KIF7: variants seen among roughly 807,000 people sequenced by gnomAD.
The protein encoded by KIF7 is kinesin-like protein KIF7.
Under a neutral mutation model 135.7 loss-of-function variants are expected in KIF7, and 104 were observed. The ratio of observed to expected loss-of-function variants is 0.77; its 90% confidence interval spans 0.65 to 0.90. The LOEUF (loss-of-function observed/expected upper bound fraction) is 0.90, where lower values mean the gene tolerates loss of function less well. KIF7 is among the 40% of genes least tolerant of loss of function. The probability of loss-of-function intolerance (pLI) is 0.00; values close to 1 mark genes in which losing one functional copy is unlikely to be tolerated. For synonymous variants in KIF7, 883 were observed against 809.4 expected, an observed-to-expected ratio of 1.09 and a Z score of -1.54; for missense variants, 2,005 against 1,839.1, an observed-to-expected ratio of 1.09 and a Z score of -1.65.
At chr15:89,626,913 C>A (rs575663930), downstream of KIF7, 6 of 1,597,212 alleles carry the variant, frequency 3.8e-6, no homozygotes, top group Non-Finnish European at 5.1e-6. Context: ...TCAGTTCGGT[C>A]CTCTGTGACT....
intron 1 of KIF7, among the ~76,000 whole-genome samples, chr15:89,621,160 C>G (rs1963418752): frequency 6.6e-6 from 1 of 152,116 alleles, no homozygotes; most frequent in Admixed American, 6.5e-5. Context: ...GCTGGGATTA[C>G]AGGCCCCTGC....
chr15:89,647,416 C>A (rs1447106201), intron 6 of KIF7, among the ~76,000 whole-genome samples, 180 bp downstream of exon 6: 1 of 152,176 alleles, frequency 6.6e-6, no homozygotes, highest in East Asian at 1.9e-4. Flanking sequence ...CGGTCCTGCA[C>A]ACCCACCTGC....
rs1057522458 is a variant in KIF7, at chr15:89,649,138, C to A, written c.759G>T (p.Leu253=). 8.2e-5 allele frequency: 127 copies of A among 1,547,882 alleles called. No individual in the cohort carries two copies. Among genetic ancestry groups the A allele is most frequent in the Non-Finnish European group, 1.0e-4 (120 of 1,146,784 alleles). ...LLVSKFHFVD[L]AGSERVLKTG... ...TCTTGAGCACCCTCTCTGAGCCCGC[C>A]AGGTCCACGAAGTGGAACTTGGAGA... The change falls in exon 4 of 19, where the codon CTG becomes CTT. Residue 253 remains leucine (L), a synonymous_variant. Transcript: ENST00000394412.
At chr15:89,636,628 A>G (rs202042212) in intron 11 of KIF7, among the ~76,000 whole-genome samples, 1,216 of 90,598 alleles carry the variant, frequency 0.013, 1 homozygote, top group Non-Finnish European at 0.018. Flanking sequence ...AGAAGAGCTA[A>G]CTATCCTAAA....
Position 89,646,980 on chromosome 15 carries a change from C to A in KIF7, c.1638G>T (p.Gly546=). The change falls in exon 7 of 19, where the codon GGG becomes GGT. Residue 546 remains glycine (G), a synonymous_variant. Coordinates refer to ENST00000394412, the MANE Select transcript of KIF7 (RefSeq NM_198525.3). ...LRLELVRPGW[G]GPRLLNGLPP... Reference sequence around the variant, plus strand: ...GCAGGCCATTCAGGAGCCGCGGGCCCCCCCAGCCTGGCCGCACCAGCTCTA... The same window carrying A: ...GCAGGCCATTCAGGAGCCGCGGGCCACCCCAGCCTGGCCGCACCAGCTCTA... 1.2e-6 allele frequency: 2 copies of A among 1,613,370 alleles called. No individual in the cohort carries two copies. Among genetic ancestry groups the A allele is most frequent in the Non-Finnish European group, 1.7e-6 (2 of 1,179,752 alleles).
In KIF7 at chr15:89,645,122, G is replaced by A. The variant is rs928439294; in HGVS notation, c.2082C>T (p.Pro694=). The A allele has an allele frequency of 6.2e-7, 1 of 1,605,334 alleles. No homozygotes were observed. Among genetic ancestry groups the A allele is most frequent in the African/African-American group, 1.3e-5 (1 of 74,934 alleles). Residue 694 remains proline (P), a synonymous_variant, in exon 10 of 19, where the codon CCC becomes CCT. Transcript: ENST00000394412. ...GCCGCCACTCTGAGGCTGTGGCAGG[G>A]GGGACCTGGCGGGCCTGAACTCGGG... ...SKARVQARQV[P]PATASEWRLA...
At chr15:89,634,002 A>G in intron 11 of KIF7, 119 bp from the exon 12 acceptor site, 1 of 1,056,804 alleles carries the variant, frequency 9.5e-7, no homozygotes, top group Non-Finnish European at 1.4e-6. Flanking sequence ...GTGATAGACC[A>G]ATAATAATAA....
Position 89,648,741 on chromosome 15 carries a change from C to A in KIF7, c.957G>T (p.Lys319Asn), listed in dbSNP as rs1192120835. ...ILKDSLGGNAKTVMIACVSPS... is the reference protein window; with the variant it reads ...ILKDSLGGNANTVMIACVSPS... ...GGCTGACGCAGGCGATCATCACCGTCTTGGCGTTCCCGCCCAGCGAGTCTT... is the reference window on the plus strand; with the variant it reads ...GGCTGACGCAGGCGATCATCACCGTATTGGCGTTCCCGCCCAGCGAGTCTT... The change falls in exon 5 of 19, where the codon AAG (lysine) becomes AAT (asparagine). Residue 319 changes from lysine to asparagine, a missense_variant. Coordinates refer to ENST00000394412, the MANE Select transcript of KIF7 (RefSeq NM_198525.3). 1 of 1,536,052 alleles carries A rather than the reference C, an allele frequency of 6.5e-7. No individual in the cohort carries two copies. Among genetic ancestry groups the A allele is most frequent in the South Asian group, 1.2e-5 (1 of 84,052 alleles).
chr15:89,624,499 G>C (rs1354528472), downstream of KIF7: 1 of 1,614,104 alleles, frequency 6.2e-7, no homozygotes, highest in East Asian at 2.2e-5. Context: ...GAGCATCGTG[G>C]AGTGTCAGCC....
intron 14 of KIF7, among the ~76,000 whole-genome samples, chr15:89,632,488 G>T (rs1963701159): frequency 6.6e-6 from 1 of 152,190 alleles, no homozygotes. Flanking sequence ...GGACACTTAA[G>T]AGAGGTTCTT....
At chr15:89,626,871 G>A (rs1963537140), downstream of KIF7, 31 of 1,460,142 alleles carry the variant, frequency 2.1e-5, no homozygotes, top group South Asian at 1.9e-4. Flanking sequence ...CTGTTTTTGT[G>A]TGTAACCCTC....
rs1299281908 is a variant in KIF7, at chr15:89,648,690, G to A, written c.1008C>T (p.Thr336=). The A allele has an allele frequency of 1.3e-6, 2 of 1,535,990 alleles. No individual in the cohort carries two copies. The highest frequency in any genetic ancestry group is 2.7e-5 in the African/African-American group (2 of 73,028). ...VSPSSSDFDE[T]LNTLNYASRA... is the part of the protein sequence containing the mutation. ...GGCTGGCGTAGTTGAGGGTGTTGAG[G>A]GTCTCGTCGAAGTCGGAGGAGGAAG... Residue 336 remains threonine, a synonymous_variant, in exon 5 of 19, where the codon ACC becomes ACT. Coordinates refer to ENST00000394412, the MANE Select transcript of KIF7 (RefSeq NM_198525.3).
intron 15 of KIF7, 104 bp from the exon 16 acceptor site, chr15:89,630,597 GGTCCCCTC>G (rs1963653048): frequency 2.0e-6 from 2 of 986,138 alleles, no homozygotes; most frequent in Non-Finnish European, 3.1e-6. Flanking sequence ...GGGCCTTAAG[GGTCCCCTC>G]GTCCCAAGGG....
chr15:89,631,343 C>A, intron 15 of KIF7, 152 bp downstream of exon 15: 1 of 710,838 alleles, frequency 1.4e-6, no homozygotes, highest in Non-Finnish European at 2.3e-6. Context: ...CAGGCCAGCC[C>A]TCCCCAGCCC....
At chr15:89,629,921 T>C in intron 16 of KIF7, 1 of 512,426 alleles carries the variant, frequency 2.0e-6, no homozygotes. Context: ...GCCTGTCCTG[T>C]GTGTTATAGG....
intron 9 of KIF7, 76 bp from the exon 10 acceptor site, chr15:89,645,241 C>T: frequency 6.2e-7 from 1 of 1,601,278 alleles, no homozygotes. Flanking sequence ...GCAGGGGCTG[C>T]CAGGGATGGT....
At position 89,630,507 on chromosome 15, in the gene KIF7, C is replaced by G; in HGVS notation, c.3112-14G>C. 7.1e-7 allele frequency: 1 copy of G among 1,411,234 alleles called. No homozygotes were observed. Among genetic ancestry groups the G allele is most frequent in the Non-Finnish European group, 9.8e-7 (1 of 1,022,776 alleles). 87.4% of individuals were successfully genotyped at this position (1,411,234 alleles called of 1,614,324 possible). A position where few individuals can be genotyped will look rare whatever the true frequency, so the allele number is the denominator to read the frequency against. On this transcript the variant is annotated splice_polypyrimidine_tract_variant and intron_variant, in intron 15 of 18. Transcript: ENST00000394412. ...CGTCCGCTCCTCCTGCAGAGACGGG[C>G]ACGCGTGGAGGAACAGCACCCACTG... is the stretch of plus-strand genomic sequence containing the variant.
rs11630003 is a variant in KIF7, at chr15:89,652,534, A to G, written c.328+69T>C. The stretch of plus-strand genomic sequence containing the variant: ...TCCACAGAACAGGCAGCAAGAGGAC[A>G]AGGCAGAAATCCAGGAAGGAACTAA... On this transcript the variant is annotated intron_variant, in intron 2 of 18. Coordinates refer to ENST00000394412, the MANE Select transcript of KIF7 (RefSeq NM_198525.3). 0.89 allele frequency: 1,075,195 copies of G among 1,212,890 alleles called. 479,863 individuals are homozygous for G. Among genetic ancestry groups the G allele is most frequent in the Non-Finnish European group, 0.92 (802,786 of 874,158 alleles). The allele number at this position is 1,212,890 out of a possible 1,614,324, so 75.1% of individuals were successfully genotyped here.
upstream of KIF7, among the ~76,000 whole-genome samples, chr15:89,657,982 A>G (rs1033744867): frequency 1.3e-5 from 2 of 152,266 alleles, no homozygotes; most frequent in Non-Finnish European, 2.9e-5. Context: ...TAACAAATAG[A>G]ACAAATCTGG....
Sources: gnomAD v4.1 joint callset for allele counts (sites outside exome capture counted in the v4.1 genomes callset) on GRCh38, gnomAD v4.1.1 for gene constraint, MANE v1.5 for transcripts, NCBI Gene and HGNC (gene_info 2026-07-23, HGNC 2026-07-21) for gene names.